The following RAP1A variants were observed in gnomAD, a reference collection of about 807,000 sequenced individuals.
The protein encoded by RAP1A is RAP1A, member of RAS oncogene family, also known as ras-related protein Rap-1A.
RAP1A carries 6 observed loss-of-function variants against 26.4 expected under a neutral mutation model. The ratio of observed to expected loss-of-function variants is 0.23; its 90% CI spans 0.12 to 0.45. The LOEUF (loss-of-function observed/expected upper bound fraction) is 0.45. Among genes scored for constraint, RAP1A ranks in the 20% least tolerant of loss-of-function variants. The pLI, the probability that RAP1A is intolerant of heterozygous loss-of-function variation, is 0.99. For synonymous variants in RAP1A, 73 were observed against 79.4 expected (o/e 0.92, Z 0.43); for missense variants, 121 against 217.2 (o/e 0.56, Z 2.78).
At position 111,563,825 on chromosome 1, in the gene RAP1A, A is replaced by C. The variant is rs766875251; in HGVS notation, c.-28+21316A>C. 4 of 1,601,034 alleles carry C rather than the reference A, an allele frequency of 2.5e-6. No individual in the cohort carries two copies. In the South Asian group the frequency reaches 3.3e-5, roughly 13 times the overall value. On this transcript the variant is annotated intron_variant, in intron 1 of 7. Coordinates refer to the RAP1A transcript ENST00000356415. ...CCCCAACCTCTGCCTCCCAGCAGCT[A>C]TATTTTCTGCTATGACTCACTGTGA...
At chr1:111,586,629 G>T (rs1464534716) in intron 1 of RAP1A, among the ~76,000 whole-genome samples, 6 of 152,142 alleles carry the variant, frequency 3.9e-5, no homozygotes, top group Admixed American at 3.9e-4. Flanking sequence ...AAAAATATGT[G>T]GTTTAGAACT....
chr1:111,693,584 A>G (rs1167565508), intron 2 of RAP1A, among the ~76,000 whole-genome samples: 1 of 152,196 alleles, frequency 6.6e-6, no homozygotes, highest in Non-Finnish European at 1.5e-5. Flanking sequence ...GTAGTCAAAC[A>G]TTACTTTTAG....
intron 1 of RAP1A, among the ~76,000 whole-genome samples, chr1:111,553,940 G>C (rs1426625044): frequency 6.6e-6 from 1 of 152,192 alleles, no homozygotes; most frequent in Non-Finnish European, 1.5e-5. Context: ...ATTTTCTAGT[G>C]GTTCCATATG....
chr1:111,707,079 T>C (rs576068683), intron 6 of RAP1A, among the ~76,000 whole-genome samples: 38 of 152,340 alleles, frequency 2.5e-4, no homozygotes, highest in African/African-American at 7.9e-4. Context: ...TACAATTTTG[T>C]TTATAAATTC....
chr1:111,596,814 T>C (rs952409099), intron 1 of RAP1A, among the ~76,000 whole-genome samples: 1 of 152,200 alleles, frequency 6.6e-6, no homozygotes, highest in African/African-American at 2.4e-5. Context: ...ATTCTCCTCT[T>C]AAGGGCTCTA....
At chr1:111,679,786 C>T (rs1052871226) in intron 1 of RAP1A, among the ~76,000 whole-genome samples, 5 of 152,134 alleles carry the variant, frequency 3.3e-5, no homozygotes, top group Admixed American at 6.5e-5. Flanking sequence ...ACAAAGCCTC[C>T]GGGAAGGTCA....
intron 1 of RAP1A, among the ~76,000 whole-genome samples, chr1:111,673,154 C>T (rs1661025384): frequency 6.6e-6 from 1 of 152,182 alleles, no homozygotes; most frequent in Non-Finnish European, 1.5e-5. Flanking sequence ...CTAAAGAGCA[C>T]TGTCCTTTGT....
chr1:111,628,836 G>A (rs1233604685), intron 1 of RAP1A, among the ~76,000 whole-genome samples: 2 of 152,096 alleles, frequency 1.3e-5, no homozygotes, highest in East Asian at 3.8e-4. Context: ...GTACACTTTG[G>A]TTGTTACTAT....
intron 1 of RAP1A, among the ~76,000 whole-genome samples, chr1:111,669,308 T>A (rs936576337): frequency 2.0e-5 from 3 of 152,240 alleles, no homozygotes; most frequent in Non-Finnish European, 4.4e-5. Flanking sequence ...AACTTCTGTT[T>A]CATTGCCTTC....
At chr1:111,545,552 AT>A (rs1444409342) in intron 1 of RAP1A, among the ~76,000 whole-genome samples, 2 of 152,074 alleles carry the variant, frequency 1.3e-5, no homozygotes, top group Non-Finnish European at 2.9e-5. Context: ...ATTTACAAAT[AT>A]TTTCCCCCGT....
In RAP1A at chr1:111,607,803, T is replaced by C. The variant is rs1255624777; in HGVS notation, c.-28+65294T>C. On this transcript the variant is annotated intron_variant, in intron 1 of 7. Transcript: ENST00000356415. ...CCCCTCACCTCCCGGACGGGGCGGC[T>C]GGCCGGGCGGGGGGCTGACCCCCCC... is the stretch of plus-strand genomic sequence containing the variant. Among the ~76,000 whole-genome samples, 2 of 126,770 alleles carry C rather than the reference T, an allele frequency of 1.6e-5. 1 individual carries two copies. The highest frequency in any genetic ancestry group is 6.2e-5 in the African/African-American group (2 of 32,048). 83.2% of individuals were successfully genotyped at this position (126,770 alleles called of 152,430 possible).
chr1:111,558,138 A>G (rs1287801633), intron 1 of RAP1A, among the ~76,000 whole-genome samples: 1 of 152,138 alleles, frequency 6.6e-6, no homozygotes, highest in African/African-American at 2.4e-5. Context: ...ATTACAATAA[A>G]CAGACCAAAC....
rs115513149 is a variant in RAP1A, at chr1:111,563,178, G to A, written c.-28+20669G>A. Among the ~76,000 whole-genome samples, 439 of 152,278 alleles carry A rather than the reference G, an allele frequency of 2.9e-3. 4 individuals are homozygous for A. Among genetic ancestry groups the A allele is most frequent in the African/African-American group, 0.01 (421 of 41,558 alleles). ...TAGTTCCAGCTACTCAGGTGGCTGA[G>A]GCAGGAGGATCGATTTAGCCCAGGA... On this transcript the variant is annotated intron_variant, in intron 1 of 7. Coordinates refer to the RAP1A transcript ENST00000356415.
At chr1:111,546,403 A>G (rs566287394) in intron 1 of RAP1A, among the ~76,000 whole-genome samples, 1 of 152,214 alleles carries the variant, frequency 6.6e-6, no homozygotes, top group African/African-American at 2.4e-5. Context: ...CTCCATACCC[A>G]TTAAACAGTA....
intron 1 of RAP1A, among the ~76,000 whole-genome samples, chr1:111,633,368 C>G (rs983791157): frequency 6.6e-6 from 1 of 152,066 alleles, no homozygotes; most frequent in African/African-American, 2.4e-5. Context: ...ATATAAAGTG[C>G]AAGTATCAAT....
intron 1 of RAP1A, among the ~76,000 whole-genome samples, chr1:111,629,134 G>A (rs1243342336): frequency 6.6e-6 from 1 of 152,122 alleles, no homozygotes; most frequent in Non-Finnish European, 1.5e-5. Flanking sequence ...TGTGAGCAGA[G>A]GTGATGAGAA....
At position 111,629,744 on chromosome 1, in the gene RAP1A, A is replaced by C. The variant is rs1659512830; in HGVS notation, c.-28+9810A>C. On this transcript the variant is annotated intron_variant, in intron 1 of 7. Transcript: ENST00000369709. ...GTGTGCGTGTGACTTTTTTTTACAA[A>C]TACTGTGTTTTTCCTGTGTGAATCT... Among the ~76,000 whole-genome samples, 3 of 152,178 alleles carry C rather than the reference A, an allele frequency of 2.0e-5. No homozygotes were observed. The South Asian group carries it at 6.2e-4, about 31-fold the overall frequency.
intron 1 of RAP1A, among the ~76,000 whole-genome samples, chr1:111,641,076 G>A (rs1358517533): frequency 6.6e-6 from 1 of 152,180 alleles, no homozygotes; most frequent in Admixed American, 6.5e-5. Flanking sequence ...AAAAATAATG[G>A]TTATCAGTTT....
chr1:111,553,931 T>C (rs1571462028), intron 1 of RAP1A, among the ~76,000 whole-genome samples: 1 of 152,372 alleles, frequency 6.6e-6, no homozygotes, highest in Non-Finnish European at 1.5e-5. Context: ...TATTGTGTTA[T>C]TTTCTAGTGG....
Sources: allele counts gnomAD v4.1 joint callset (sites outside exome capture counted in the v4.1 genomes callset), GRCh38; gene constraint gnomAD v4.1.1; transcripts MANE v1.5; gene names NCBI Gene and HGNC (gene_info 2026-07-23, HGNC 2026-07-21).